Variants in ITGA8 observed in about 807,000 individuals in gnomAD.
ITGA8 encodes the protein integrin alpha-8.
ITGA8 carries 91 observed loss-of-function variants against 142.3 expected under a neutral mutation model. That is an observed-to-expected ratio of 0.64 (90% confidence interval 0.54 to 0.76). The LOEUF is 0.76. Among genes scored for constraint, ITGA8 ranks in the 30% least tolerant of loss-of-function variants. The pLI, the probability that ITGA8 is intolerant of heterozygous loss-of-function variation, is 0.00. For synonymous variants in ITGA8, 505 were observed against 485.2 expected, an observed-to-expected ratio of 1.04 and a Z score of -0.54; for missense variants, 1,406 against 1,327.7, an observed-to-expected ratio of 1.06 and a Z score of -0.92.
intron 28 of ITGA8, 149 bp from the exon 29 acceptor site, chr10:15,519,561 G>T (rs1291758344): frequency 3.6e-6 from 3 of 827,392 alleles, no homozygotes; most frequent in Non-Finnish European, 5.9e-6. Context: ...GGTAGCACTC[G>T]AACATGAACT....
intron 17 of ITGA8, 131 bp downstream of exon 17, chr10:15,607,546 G>T (rs1471515916): frequency 2.4e-6 from 2 of 842,506 alleles, no homozygotes; most frequent in Admixed American, 4.3e-5. Flanking sequence ...CTAAAATAAA[G>T]TTTCCTGCTA....
chr10:15,525,848 T>C (rs369853602), intron 28 of ITGA8, among the ~76,000 whole-genome samples: 1 of 152,214 alleles, frequency 6.6e-6, no homozygotes, highest in East Asian at 1.9e-4. Flanking sequence ...GTAATTGATA[T>C]AAAAATACTA....
chr10:15,565,233 A>G (rs1462127572), intron 25 of ITGA8, among the ~76,000 whole-genome samples: 3 of 152,232 alleles, frequency 2.0e-5, no homozygotes, highest in East Asian at 1.9e-4. Context: ...TACCTAGGAC[A>G]GACTGACCAG....
intron 11 of ITGA8, among the ~76,000 whole-genome samples, chr10:15,653,831 C>CTTT (rs111283505): frequency 7.7e-6 from 1 of 130,012 alleles, no homozygotes. Flanking sequence ...TTTCTTTTTT[C>CTTT]TTTTTTTTTT....
intron 11 of ITGA8, among the ~76,000 whole-genome samples, chr10:15,650,499 C>T (rs538550144): frequency 6.6e-6 from 1 of 152,268 alleles, no homozygotes; most frequent in South Asian, 2.1e-4. Flanking sequence ...TCTTGCCCCC[C>T]TCAACATGTG....
In ITGA8 at chr10:15,672,623, C is replaced by A. The variant is rs2131687504; in HGVS notation, c.802+1G>T. The stretch of plus-strand genomic sequence containing the variant: ...CAAATGTCTTGGGCAATGGGTCTTA[C>A]CAAGGTAACTGTCATCATAGGAAGC... On this transcript the variant is annotated splice_donor_variant, in intron 7 of 29. Coordinates refer to ENST00000378076, the MANE Select transcript of ITGA8 (RefSeq NM_003638.3). LOFTEE classifies it high-confidence loss of function. 1 of 1,612,052 alleles carries A rather than the reference C, an allele frequency of 6.2e-7. No individual in the cohort carries two copies. Among genetic ancestry groups the A allele is most frequent in the Non-Finnish European group, 8.5e-7 (1 of 1,179,198 alleles).
chr10:15,629,605 T>G (rs900186386), intron 13 of ITGA8, among the ~76,000 whole-genome samples: 1 of 152,078 alleles, frequency 6.6e-6, no homozygotes, highest in African/African-American at 2.4e-5. Flanking sequence ...TATTCTGCCC[T>G]TTCCCCTTTA....
chr10:15,529,113 G>A lies in ITGA8; in HGVS notation c.2982+1937C>T, dbSNP rs953274035. Among the ~76,000 whole-genome samples, 6 of 148,776 alleles carry A rather than the reference G, an allele frequency of 4.0e-5. No homozygotes were observed. The Admixed American group carries it at 4.1e-4, about 10-fold the overall frequency. Reference sequence around the variant, plus strand: ...CTTCCCTTCTTCCTTCCTTTCTTGAGACGAGGTCTCGCCCAGGTTGAGTGC... The same window carrying A: ...CTTCCCTTCTTCCTTCCTTTCTTGAAACGAGGTCTCGCCCAGGTTGAGTGC... On this transcript the variant is annotated intron_variant, in intron 28 of 29. Transcript: ENST00000378076.
intron 13 of ITGA8, among the ~76,000 whole-genome samples, chr10:15,627,355 C>G (rs1019273887): frequency 2.6e-5 from 4 of 152,168 alleles, no homozygotes; most frequent in Non-Finnish European, 5.9e-5. Context: ...TGAGCATCCC[C>G]CAGACAAGCT....
intron 6 of ITGA8, 22 bp downstream of exon 6, chr10:15,677,570 C>T (rs1834653935): frequency 6.2e-7 from 1 of 1,606,080 alleles, no homozygotes; most frequent in Non-Finnish European, 8.5e-7. Flanking sequence ...ATGTGCTTTT[C>T]TTGTCTGCCA....
At chr10:15,535,368 C>T (rs7081973) in intron 27 of ITGA8, among the ~76,000 whole-genome samples, 28,383 of 152,126 alleles carry the variant, frequency 0.19, 3,367 homozygotes, top group African/African-American at 0.34. Context: ...GGCGCCGGTG[C>T]GGGATCCACT....
At chr10:15,558,469 C>G (rs970298818) in intron 25 of ITGA8, among the ~76,000 whole-genome samples, 9 of 152,158 alleles carry the variant, frequency 5.9e-5, no homozygotes, top group Admixed American at 1.3e-4. Flanking sequence ...AGATTTGAAG[C>G]AGAAGTCATT....
rs980195935 is a variant in ITGA8 at position 15,514,180 on chromosome 10, G to A, written c.*2978C>T. ...AAACCCAGCTGCAAGAATTTAAAAA[G>A]GGAATTCTTTGAAGAGAAATACAGA... On this transcript the variant is annotated 3_prime_UTR_variant, in exon 30 of 30. Transcript: ENST00000378076. The A allele has an allele frequency of 2.0e-5, 3 of 152,078 alleles. No individual in the cohort carries two copies. The highest frequency in any genetic ancestry group is 2.0e-4 in the Admixed American group (3 of 15,264). 9.4% of individuals were successfully genotyped at this position (152,078 alleles called of 1,614,324 possible). A position where few individuals can be genotyped will look rare whatever the true frequency, so the allele number is the denominator to read the frequency against.
At chr10:15,569,599 T>C (rs548130996) in intron 25 of ITGA8, among the ~76,000 whole-genome samples, 153 of 152,294 alleles carry the variant, frequency 1.0e-3, no homozygotes, top group Non-Finnish European at 1.8e-3. Context: ...ACAATTTTTT[T>C]AAAGAGATGA....
chr10:15,673,375 G>A lies in ITGA8; in HGVS notation c.677-626C>T, dbSNP rs759979474. On this transcript the variant is annotated intron_variant, in intron 6 of 29. Coordinates refer to ENST00000378076, the MANE Select transcript of ITGA8 (RefSeq NM_003638.3). ...TGGGATTACAGGTGTGAGCCACAGC[G>A]CCCGGCCATGATGTAATTTTTATTC... is the stretch of plus-strand genomic sequence containing the variant. 4.3e-4 allele frequency among the ~76,000 whole-genome samples: 65 copies of A among 152,154 alleles called. 1 individual carries two copies. Among genetic ancestry groups the A allele is most frequent in the South Asian group, 1.2e-3 (6 of 4,814 alleles).
chr10:15,522,292 T>C (rs1833086648), intron 28 of ITGA8, among the ~76,000 whole-genome samples: 1 of 152,218 alleles, frequency 6.6e-6, no homozygotes, highest in South Asian at 2.1e-4. Context: ...ACTAGATTAT[T>C]TCTCTTGTTA....
chr10:15,596,071 G>A (rs1450200097), intron 21 of ITGA8, among the ~76,000 whole-genome samples: 2 of 151,960 alleles, frequency 1.3e-5, no homozygotes, highest in African/African-American at 2.4e-5. Context: ...TAAAATAGGC[G>A]GTTGGATTTT....
intron 21 of ITGA8, 136 bp downstream of exon 21, chr10:15,597,071 A>C (rs1833022391): frequency 2.9e-6 from 2 of 690,898 alleles, no homozygotes; most frequent in Non-Finnish European, 5.3e-6. Context: ...AAATCCCACT[A>C]CTCTGGCAAT....
intron 2 of ITGA8, among the ~76,000 whole-genome samples, chr10:15,707,391 A>T (rs1252098230): frequency 2.0e-5 from 3 of 152,206 alleles, no homozygotes; most frequent in Non-Finnish European, 2.9e-5. Context: ...GAGCCAAGGA[A>T]TGTGGGTCAC....
Sources: allele counts gnomAD v4.1 joint callset (sites outside exome capture counted in the v4.1 genomes callset), GRCh38; gene constraint gnomAD v4.1.1; transcripts MANE v1.5; gene names NCBI Gene and HGNC (gene_info 2026-07-23, HGNC 2026-07-21).